CFAP20DC: variants seen among roughly 807,000 people sequenced by gnomAD.
The protein encoded by CFAP20DC is protein CFAP20DC.
CFAP20DC carries 84 observed loss-of-function variants against 101.7 expected under a neutral mutation model. The ratio of observed to expected loss-of-function variants is 0.83; its 90% CI spans 0.69 to 0.99. The LOEUF is 0.99. Among genes scored for constraint, CFAP20DC ranks in the 50% least tolerant of loss-of-function variants. The pLI is 0.00. For missense variants in CFAP20DC, 1,007 were observed against 970.3 expected (o/e 1.04, Z -0.50); for synonymous variants, 359 against 351.2 (o/e 1.02, Z -0.25).
intron 4 of CFAP20DC, among the ~76,000 whole-genome samples, chr3:58,997,194 T>C (rs998871590): frequency 2.0e-5 from 3 of 152,250 alleles, no homozygotes; most frequent in Admixed American, 6.5e-5. Flanking sequence ...TTACAATGGC[T>C]AACATTTATT....
At chr3:58,789,635 C>T (rs2072682267) in intron 15 of CFAP20DC, among the ~76,000 whole-genome samples, 1 of 152,086 alleles carries the variant, frequency 6.6e-6, no homozygotes, top group African/African-American at 2.4e-5. Flanking sequence ...TATTTCCCAG[C>T]ATTTTCAGGG....
At chr3:59,049,283 C>T (rs1242971200) in intron 1 of CFAP20DC, among the ~76,000 whole-genome samples, 2 of 152,214 alleles carry the variant, frequency 1.3e-5, no homozygotes, top group African/African-American at 4.8e-5. Context: ...TTTGTTAAAA[C>T]TCAAGATTTC....
chr3:58,745,105 G>A (rs1250906692), intron 16 of CFAP20DC, among the ~76,000 whole-genome samples: 1 of 152,156 alleles, frequency 6.6e-6, no homozygotes, highest in African/African-American at 2.4e-5. Flanking sequence ...ATCTTCTTCT[G>A]TTGTCTTCAG....
intron 5 of CFAP20DC, among the ~76,000 whole-genome samples, chr3:58,934,243 A>G (rs2107717779): frequency 6.6e-6 from 1 of 152,384 alleles, no homozygotes; most frequent in Non-Finnish European, 1.5e-5. Context: ...ATCTCTGAAT[A>G]GACCAATAAC....
chr3:58,815,088 C>G (rs1266847136), intron 14 of CFAP20DC, among the ~76,000 whole-genome samples: 3 of 151,324 alleles, frequency 2.0e-5, no homozygotes, highest in Non-Finnish European at 4.4e-5. Flanking sequence ...GGAGGCATCA[C>G]ACTACCTGAC....
Position 59,049,694 on chromosome 3 carries a change from C to G in CFAP20DC, c.-63G>C. 2 of 1,523,232 alleles carry G rather than the reference C, an allele frequency of 1.3e-6. No individual in the cohort carries two copies. Among genetic ancestry groups the G allele is most frequent in the East Asian group, 2.5e-5 (1 of 40,710 alleles). The allele number at this position is 1,523,232 out of a possible 1,614,324, so 94.4% of individuals were successfully genotyped here. ...CAGGGTTTCCAGCGAGTGGCGTGAC[C>G]CTGACGGCTGGAAATCGGCTGGCGG... On this transcript the variant is annotated 5_prime_UTR_variant, in exon 1 of 17. Transcript: ENST00000482387.
At chr3:58,851,959 G>A (rs1047640978) in intron 12 of CFAP20DC, among the ~76,000 whole-genome samples, 3 of 152,102 alleles carry the variant, frequency 2.0e-5, no homozygotes, top group African/African-American at 7.2e-5. Flanking sequence ...GAAAGCTTTG[G>A]CTAACTTTCT....
At position 58,859,031 on chromosome 3, in the gene CFAP20DC, C is replaced by T. The variant is rs1381441247; in HGVS notation, c.1593+4527G>A. Among the ~76,000 whole-genome samples the T allele has an allele frequency of 6.6e-6, 1 of 152,118 alleles. No individual in the cohort carries two copies. The highest frequency in any genetic ancestry group is 1.9e-4 in the East Asian group (1 of 5,186). On this transcript the variant is annotated intron_variant, in intron 12 of 16. Transcript: ENST00000482387. This position sits in a 1 kb window ranked among gnomAD's most constrained non-coding sequence, Gnocchi z 4.1. Reference sequence around the variant, plus strand: ...ATCCCAAGAAGTACTTGTGCTTCTACTTGAATTTTGTAGCAAATGATGAAA... The same window carrying T: ...ATCCCAAGAAGTACTTGTGCTTCTATTTGAATTTTGTAGCAAATGATGAAA...
rs1403677176 is a variant in CFAP20DC at position 58,841,280 on chromosome 3, G to A, written c.1971+7752C>T. Among the ~76,000 whole-genome samples the A allele has an allele frequency of 2.6e-5, 4 of 152,306 alleles. No individual in the cohort carries two copies. In the East Asian group the frequency reaches 7.7e-4, roughly 29 times the overall value. On this transcript the variant is annotated intron_variant, in intron 13 of 16. Transcript: ENST00000482387. ...ACATTTATGGATTCTTCAAACAATG[G>A]GGTATTGTTGGAAAAACAGCTGCAA...
At chr3:58,816,044 T>G (rs144791667) in intron 14 of CFAP20DC, among the ~76,000 whole-genome samples, 2,516 of 151,910 alleles carry the variant, frequency 0.017, 42 homozygotes, top group Non-Finnish European at 0.026. Context: ...CATGCTGCTA[T>G]AAAGACACAT....
At chr3:58,809,662 C>A (rs2074432431) in intron 14 of CFAP20DC, among the ~76,000 whole-genome samples, 1 of 152,084 alleles carries the variant, frequency 6.6e-6, no homozygotes, top group Non-Finnish European at 1.5e-5. Flanking sequence ...CAAGAGCAAA[C>A]ACATACGAAA....
intron 4 of CFAP20DC, among the ~76,000 whole-genome samples, chr3:59,035,722 A>G (rs1436803027): frequency 6.6e-6 from 1 of 152,198 alleles, no homozygotes; most frequent in Non-Finnish European, 1.5e-5. Context: ...CCAACCAAAG[A>G]AAGCCCAGAA....
intron 4 of CFAP20DC, among the ~76,000 whole-genome samples, chr3:58,975,751 T>C (rs896141263): frequency 6.6e-6 from 1 of 152,242 alleles, no homozygotes; most frequent in East Asian, 1.9e-4. Flanking sequence ...TGTTTTGGTA[T>C]GTGATACTGT....
At chr3:58,786,080 C>T (rs556702466) in intron 15 of CFAP20DC, among the ~76,000 whole-genome samples, 41 of 152,270 alleles carry the variant, frequency 2.7e-4, no homozygotes, top group Admixed American at 4.6e-4. Flanking sequence ...CTTTGAGTTA[C>T]TTTTCATTGA....
At chr3:58,842,954 T>C (rs1037252670) in intron 13 of CFAP20DC, among the ~76,000 whole-genome samples, 1 of 151,808 alleles carries the variant, frequency 6.6e-6, no homozygotes, top group Non-Finnish European at 1.5e-5. Flanking sequence ...CTGAGGGTCC[T>C]GTCTGTTAGA....
At chr3:58,814,863 C>G (rs1465262626) in intron 14 of CFAP20DC, among the ~76,000 whole-genome samples, 1 of 150,080 alleles carries the variant, frequency 6.7e-6, no homozygotes, top group Non-Finnish European at 1.5e-5. Context: ...AAAGAGGATA[C>G]AAACAAATGG....
chr3:58,961,723 TTC>T (rs1185748058), intron 4 of CFAP20DC, among the ~76,000 whole-genome samples: 2 of 152,132 alleles, frequency 1.3e-5, no homozygotes, highest in Non-Finnish European at 2.9e-5. Flanking sequence ...TATTGAAATT[TTC>T]TGTTTTTTTT....
intron 4 of CFAP20DC, among the ~76,000 whole-genome samples, chr3:58,992,256 T>C (rs1313834735): frequency 6.6e-6 from 1 of 152,202 alleles, no homozygotes; most frequent in Non-Finnish European, 1.5e-5. Flanking sequence ...AAATGTATTA[T>C]TACCAGTACC....
intron 15 of CFAP20DC, among the ~76,000 whole-genome samples, chr3:58,784,594 T>C (rs995051785): frequency 6.6e-6 from 1 of 152,126 alleles, no homozygotes; most frequent in African/African-American, 2.4e-5. Context: ...TGACTACATG[T>C]ATTTGCTATT....
Sources: allele counts gnomAD v4.1 joint callset (sites outside exome capture counted in the v4.1 genomes callset), GRCh38; gene constraint gnomAD v4.1.1; non-coding constraint Gnocchi (gnomAD v3.1); transcripts MANE v1.5; gene names NCBI Gene and HGNC (gene_info 2026-07-23, HGNC 2026-07-21).